PACRG: variants seen among roughly 807,000 people sequenced by gnomAD.
PACRG encodes parkin coregulated gene protein.
In PACRG, 29 loss-of-function variants were observed where a neutral mutation model predicts 29.7. That is an observed-to-expected ratio of 0.98 (90% CI 0.73 to 1.33). The LOEUF (loss-of-function observed/expected upper bound fraction) is 1.33, where lower values mean the gene tolerates loss of function less well. Ranked by LOEUF, PACRG falls within the 40% of genes most tolerant of loss-of-function variation. The pLI is 0.00. For missense variants in PACRG, 279 were observed against 316.2 expected, an observed-to-expected ratio of 0.88 and a Z score of 0.89; for synonymous variants, 116 against 118.7, an observed-to-expected ratio of 0.98 and a Z score of 0.15.
At chr6:163,232,748 G>A (rs1782094144) in intron 4 of PACRG, among the ~76,000 whole-genome samples, 1 of 152,182 alleles carries the variant, frequency 6.6e-6, no homozygotes, top group Admixed American at 6.5e-5. Flanking sequence ...ATTCCCTGAG[G>A]TGCCAGAGCA....
intron 1 of PACRG, among the ~76,000 whole-genome samples, chr6:162,745,394 G>A (rs1292612884): frequency 2.0e-5 from 3 of 152,026 alleles, no homozygotes; most frequent in African/African-American, 7.2e-5. Context: ...GGGGATGTGG[G>A]GTGAGGGGAG....
chr6:162,772,411 A>G (rs1045640290), intron 1 of PACRG, among the ~76,000 whole-genome samples: 4 of 152,250 alleles, frequency 2.6e-5, no homozygotes, highest in Non-Finnish European at 5.9e-5. Context: ...CACAAAGAGA[A>G]AGACCAAAGC....
chr6:162,884,369 G>T (rs1027008887), intron 2 of PACRG, among the ~76,000 whole-genome samples: 7 of 152,046 alleles, frequency 4.6e-5, no homozygotes, highest in African/African-American at 1.7e-4. Context: ...AAGTGGACCA[G>T]GGCAGTTCAA....
At chr6:162,752,640 T>G (rs891383900) in intron 1 of PACRG, among the ~76,000 whole-genome samples, 1 of 152,226 alleles carries the variant, frequency 6.6e-6, no homozygotes, top group African/African-American at 2.4e-5. Flanking sequence ...CTATGTACTT[T>G]AAACCCTGGC....
chr6:162,752,125 A>G (rs1781556096), intron 1 of PACRG, among the ~76,000 whole-genome samples: 1 of 152,210 alleles, frequency 6.6e-6, no homozygotes, highest in South Asian at 2.1e-4. Context: ...AAGTTCCAAA[A>G]ATTCAGATGA....
At chr6:163,014,930 T>A (rs1805955065) in intron 2 of PACRG, among the ~76,000 whole-genome samples, 1 of 152,190 alleles carries the variant, frequency 6.6e-6, no homozygotes, top group Non-Finnish European at 1.5e-5. Context: ...CCAAGGCCCA[T>A]GTCCAAAATG....
chr6:162,970,532 C>G (rs1801441106), intron 2 of PACRG, among the ~76,000 whole-genome samples: 1 of 152,126 alleles, frequency 6.6e-6, no homozygotes, highest in Non-Finnish European at 1.5e-5. Flanking sequence ...AGTTTCCCAG[C>G]CTCTCTTCCC....
At chr6:162,872,010 A>G (rs1226831039) in intron 2 of PACRG, among the ~76,000 whole-genome samples, 1 of 152,200 alleles carries the variant, frequency 6.6e-6, no homozygotes, top group East Asian at 1.9e-4. Flanking sequence ...ACACTGTAAG[A>G]TATGTTTTAA....
intron 4 of PACRG, chr6:163,112,132 C>T (rs1484114422): frequency 1.4e-6 from 1 of 704,914 alleles, no homozygotes; most frequent in Non-Finnish European, 1.7e-6. Context: ...AGGCATCTGC[C>T]TCCCTACCTA....
intron 4 of PACRG, among the ~76,000 whole-genome samples, chr6:163,264,372 C>G (rs1418924898): frequency 6.6e-6 from 1 of 152,146 alleles, no homozygotes; most frequent in Admixed American, 6.5e-5. Context: ...CTCAGAGTCA[C>G]TCCGCATCCA....
chr6:162,849,967 TC>T (rs991335493), intron 2 of PACRG, among the ~76,000 whole-genome samples: 1 of 152,158 alleles, frequency 6.6e-6, no homozygotes, highest in Non-Finnish European at 1.5e-5. Flanking sequence ...ATCTCAACTA[TC>T]CCCAAAATGC....
intron 2 of PACRG, among the ~76,000 whole-genome samples, chr6:163,041,396 T>C (rs1482973705): frequency 6.6e-6 from 1 of 151,238 alleles, no homozygotes; most frequent in Non-Finnish European, 1.5e-5. Flanking sequence ...TGGTGGGAGG[T>C]GATTGGATCA....
intron 4 of PACRG, among the ~76,000 whole-genome samples, chr6:163,308,229 C>G (rs1396079782): frequency 6.6e-6 from 1 of 152,096 alleles, no homozygotes; most frequent in African/African-American, 2.4e-5. Flanking sequence ...AATATGTTAT[C>G]TGTTGAATAA....
rs181458277 is a variant in PACRG at position 162,911,232 on chromosome 6, A to C, written c.291+96951A>C. Among the ~76,000 whole-genome samples the C allele has an allele frequency of 8.5e-5, 13 of 152,358 alleles. No individual in the cohort carries two copies. The East Asian group carries it at 2.3e-3, about 27-fold the overall frequency. On this transcript the variant is annotated intron_variant, in intron 2 of 4. Coordinates refer to ENST00000366888, the MANE Select transcript of PACRG (RefSeq NM_001080379.2). ...GCACAGCTGCATTATAATGTGATCA[A>C]GCACAATAAATTGTGCTCTGTTGTT...
At chr6:163,255,005 C>T (rs374103857) in intron 4 of PACRG, among the ~76,000 whole-genome samples, 11 of 152,300 alleles carry the variant, frequency 7.2e-5, no homozygotes, top group South Asian at 6.2e-4. Context: ...CACGTGAAAC[C>T]GAGGCTCACG....
rs949070944 is a variant in PACRG at position 162,982,230 on chromosome 6, A to G, written c.292-79920A>G. Among the ~76,000 whole-genome samples, 13 of 151,824 alleles carry G rather than the reference A, an allele frequency of 8.6e-5. No homozygotes were observed. The East Asian group carries it at 2.5e-3, about 29-fold the overall frequency. On this transcript the variant is annotated intron_variant, in intron 2 of 4. Transcript: ENST00000366888. ...TGTGAATTGTCTATCAGTTTTGTTC[A>G]TCTTTACAAAGAACCAGCTTTTTGT... is the stretch of plus-strand genomic sequence containing the variant.
chr6:163,006,041 A>T (rs1355494720), intron 2 of PACRG, among the ~76,000 whole-genome samples: 1 of 145,034 alleles, frequency 6.9e-6, no homozygotes, highest in South Asian at 2.1e-4. Context: ...TATATATAAC[A>T]TATATAACTA....
Position 162,980,199 on chromosome 6 carries a change from C to T in PACRG, c.292-81951C>T, listed in dbSNP as rs538900465. ...ACACACACACACACACGCACACACACACATTTTCAGTGTAATAATTACTAG... is the reference window on the plus strand; with the variant it reads ...ACACACACACACACACGCACACACATACATTTTCAGTGTAATAATTACTAG... On this transcript the variant is annotated intron_variant, in intron 2 of 4. Coordinates refer to ENST00000366888, the MANE Select transcript of PACRG (RefSeq NM_001080379.2). Among the ~76,000 whole-genome samples the T allele has an allele frequency of 1.6e-4, 24 of 151,936 alleles. No individual in the cohort carries two copies. The Middle Eastern group carries it at 0.017, about 108-fold the overall frequency.
Position 162,747,474 on chromosome 6 carries a change from CTATATA to C in PACRG, c.156+19097_156+19102del, listed in dbSNP as rs377352285. Among the ~76,000 whole-genome samples the C allele has an allele frequency of 2.5e-4, 11 of 44,776 alleles. 2 individuals carry two copies. The highest frequency in any genetic ancestry group is 8.2e-4 in the South Asian group (1 of 1,220). The allele number at this position is 44,776 out of a possible 152,430, so 29.4% of individuals were successfully genotyped here. A position where few individuals can be genotyped will look rare whatever the true frequency, so the allele number is the denominator to read the frequency against. ...TATAACTATAAATATATATGTAAAA[CTATATA>C]TATATATATATATTCCATTAGTTCT... On this transcript the variant is annotated intron_variant, in intron 1 of 4. Coordinates refer to ENST00000366888, the MANE Select transcript of PACRG (RefSeq NM_001080379.2).
Sources: allele counts gnomAD v4.1 joint callset (sites outside exome capture counted in the v4.1 genomes callset), GRCh38; gene constraint gnomAD v4.1.1; transcripts MANE v1.5; gene names NCBI Gene and HGNC (gene_info 2026-07-23, HGNC 2026-07-21).